Variants in SNX7 observed in about 807,000 individuals in gnomAD.
SNX7 encodes the protein sorting nexin-7.
Under a neutral mutation model 48.4 loss-of-function variants are expected in SNX7, and 35 were observed. That is an observed-to-expected ratio of 0.72 (90% CI 0.55 to 0.96). The LOEUF (loss-of-function observed/expected upper bound fraction) is 0.96, where lower values mean the gene tolerates loss of function less well. Among genes scored for constraint, SNX7 ranks in the 40% least tolerant of loss-of-function variants. The pLI is 0.00. For missense variants in SNX7, 553 were observed against 548.9 expected (o/e 1.01, Z -0.07); for synonymous variants, 190 against 190.2 (o/e 1.00, Z 0.01).
Position 98,738,241 on chromosome 1 carries a change from C to T in SNX7, c.1130C>T (p.Pro377Leu), listed in dbSNP as rs983531719. 2.5e-6 allele frequency: 4 copies of T among 1,612,324 alleles called. No homozygotes were observed. The highest frequency in any genetic ancestry group is 3.4e-6 in the Non-Finnish European group (4 of 1,179,376). Residue 377 changes from proline to leucine, a missense_variant, in exon 8 of 9, where the codon CCA (proline) becomes CTA (leucine). Coordinates refer to ENST00000306121, the MANE Select transcript of SNX7 (RefSeq NM_015976.5). ...TCTCTTTGTGACTTAATTCAGCTTC[C>T]AGAGGAGATTGGAAAACTTGAAGAT... ...TYKKADTDLL[P>L]EEIGKLEDKV...
At chr1:98,669,333 C>G (rs556994251) in intron 1 of SNX7, among the ~76,000 whole-genome samples, 1 of 152,292 alleles carries the variant, frequency 6.6e-6, no homozygotes, top group East Asian at 1.9e-4. Flanking sequence ...GTGTAGTTAC[C>G]TCTGAGAACT....
At chr1:98,732,854 C>A (rs1653585783) in intron 7 of SNX7, among the ~76,000 whole-genome samples, 1 of 152,084 alleles carries the variant, frequency 6.6e-6, no homozygotes, top group African/African-American at 2.4e-5. Flanking sequence ...AAATAAAAAA[C>A]CTTGATAATG....
At chr1:98,705,786 A>T (rs1202251805) in intron 7 of SNX7, among the ~76,000 whole-genome samples, 2 of 152,116 alleles carry the variant, frequency 1.3e-5, no homozygotes, top group African/African-American at 4.8e-5. Context: ...GTTGAGAAAT[A>T]TGTACTTTAT....
intron 7 of SNX7, among the ~76,000 whole-genome samples, chr1:98,732,662 G>A (rs1653575973): frequency 6.6e-6 from 1 of 151,972 alleles, no homozygotes; most frequent in South Asian, 2.1e-4. Flanking sequence ...TTTCACATCG[G>A]TAAGTCAAGA....
At chr1:98,739,524 G>A (rs185863958) in intron 8 of SNX7, among the ~76,000 whole-genome samples, 133 of 152,222 alleles carry the variant, frequency 8.7e-4, no homozygotes, top group Non-Finnish European at 1.4e-3. Context: ...AACACAATCC[G>A]TTTCTCATGT....
At chr1:98,740,644 T>A (rs1557833472) in intron 8 of SNX7, among the ~76,000 whole-genome samples, 1 of 151,904 alleles carries the variant, frequency 6.6e-6, no homozygotes, top group Admixed American at 6.6e-5. Context: ...TAAAAATGTA[T>A]TTTTTTTCAG....
chr1:98,713,578 G>A (rs1652433166), intron 7 of SNX7, among the ~76,000 whole-genome samples: 1 of 152,158 alleles, frequency 6.6e-6, no homozygotes, highest in Admixed American at 6.6e-5. Flanking sequence ...GCCAGTCTCA[G>A]CTTTTGAAAT....
At chr1:98,706,372 G>A (rs1652005914) in intron 7 of SNX7, among the ~76,000 whole-genome samples, 1 of 152,104 alleles carries the variant, frequency 6.6e-6, no homozygotes, top group Non-Finnish European at 1.5e-5. Flanking sequence ...GACAGTACAT[G>A]CACAATGAAA....
At chr1:98,705,094 G>T (rs1007360437) in intron 7 of SNX7, among the ~76,000 whole-genome samples, 1 of 152,128 alleles carries the variant, frequency 6.6e-6, no homozygotes, top group Non-Finnish European at 1.5e-5. Context: ...CCCACAAAAG[G>T]TATGTGTTTT....
At chr1:98,709,198 G>T (rs901029835) in intron 7 of SNX7, among the ~76,000 whole-genome samples, 17 of 152,156 alleles carry the variant, frequency 1.1e-4, no homozygotes, top group African/African-American at 4.1e-4. Context: ...GGATTAGATT[G>T]TAAATATTTC....
intron 5 of SNX7, among the ~76,000 whole-genome samples, chr1:98,696,451 C>T (rs1281216092): frequency 1.3e-5 from 2 of 151,680 alleles, no homozygotes; most frequent in South Asian, 2.1e-4. Context: ...AGTATCCGGG[C>T]AGTGTTTAAA....
intron 7 of SNX7, among the ~76,000 whole-genome samples, chr1:98,728,395 T>A (rs1185400279): frequency 1.3e-5 from 2 of 151,492 alleles, no homozygotes; most frequent in African/African-American, 4.8e-5. Flanking sequence ...AGCACTAAAG[T>A]CTATAAAATA....
chr1:98,708,841 G>A (rs538416071), intron 7 of SNX7, among the ~76,000 whole-genome samples: 5 of 152,224 alleles, frequency 3.3e-5, no homozygotes, highest in South Asian at 2.1e-4. Context: ...AAAAATCACC[G>A]TATCTACCTT....
intron 1 of SNX7, among the ~76,000 whole-genome samples, chr1:98,678,882 A>G (rs756132023): frequency 1.3e-5 from 2 of 152,176 alleles, no homozygotes; most frequent in African/African-American, 2.4e-5. Context: ...GAAAAATAAA[A>G]AATAGCAGTA....
chr1:98,723,962 C>CA (rs66498943), intron 7 of SNX7, among the ~76,000 whole-genome samples: 3 of 151,138 alleles, frequency 2.0e-5, no homozygotes, highest in Admixed American at 6.6e-5. Context: ...TGTTAGCTGG[C>CA]AAAAAAAAAT....
chr1:98,726,253 G>C (rs1163769890), intron 7 of SNX7, among the ~76,000 whole-genome samples: 1 of 152,124 alleles, frequency 6.6e-6, no homozygotes, highest in East Asian at 1.9e-4. Flanking sequence ...AATTTTTAAA[G>C]TTCAGTAAGA....
chr1:98,721,226 C>T (rs564613234), intron 7 of SNX7, among the ~76,000 whole-genome samples: 1 of 152,172 alleles, frequency 6.6e-6, no homozygotes, highest in East Asian at 1.9e-4. Flanking sequence ...ATTAGGAATG[C>T]TGAACCGGTA....
chr1:98,677,723 C>G (rs1650243872), intron 1 of SNX7, among the ~76,000 whole-genome samples: 1 of 151,804 alleles, frequency 6.6e-6, no homozygotes, highest in South Asian at 2.1e-4. Context: ...ACTAAAAATA[C>G]AAAAATTAAC....
At chr1:98,711,413 A>G (rs1005606776) in intron 7 of SNX7, among the ~76,000 whole-genome samples, 1 of 151,976 alleles carries the variant, frequency 6.6e-6, no homozygotes, top group African/African-American at 2.4e-5. Context: ...ATGCATTTTG[A>G]TTTATTACAG....
Sources: allele counts gnomAD v4.1 joint callset (sites outside exome capture counted in the v4.1 genomes callset), GRCh38; gene constraint gnomAD v4.1.1; transcripts MANE v1.5; gene names NCBI Gene and HGNC (gene_info 2026-07-23, HGNC 2026-07-21).